Variants in TRIM54 observed in about 807,000 individuals in gnomAD.
TRIM54 encodes tripartite motif containing 54.
A neutral mutation model predicts 42.0 loss-of-function variants in TRIM54; 40 were observed. That is an observed-to-expected ratio of 0.95 (90% CI 0.74 to 1.24). The LOEUF is 1.24. Among genes scored for constraint, TRIM54 ranks in the 50% most tolerant of loss-of-function variants. The pLI is 0.00. For missense variants in TRIM54, 485 were observed against 480.3 expected, an observed-to-expected ratio of 1.01 and a Z score of -0.09; for synonymous variants, 199 against 194.9, an observed-to-expected ratio of 1.02 and a Z score of -0.17.
At position 27,307,323 on chromosome 2, in the gene TRIM54, C is replaced by CCCG; in HGVS notation, c.*439_*440insCGC. The CCCG allele has an allele frequency of 1.1e-6, 1 of 895,384 alleles. No homozygotes were observed. Among genetic ancestry groups the CCCG allele is most frequent in the Non-Finnish European group, 1.6e-6 (1 of 611,252 alleles). The allele number at this position is 895,384 out of a possible 1,614,324, so 55.5% of individuals were successfully genotyped here. ...CCCCCCACAGCATTTTGTTCCCCTC[C>CCCG]CGCTGGCCCGGGGGCCCCACCTTCC... On this transcript the variant is annotated 3_prime_UTR_variant, in exon 9 of 9. Transcript: ENST00000380075. The surrounding 1 kb of genome is among the most constrained non-coding windows in gnomAD (Gnocchi z 6.9).
In TRIM54 at chr2:27,306,069, C is replaced by G; in HGVS notation, c.844-11C>G. On this transcript the variant is annotated splice_polypyrimidine_tract_variant and intron_variant, in intron 5 of 8. Coordinates refer to ENST00000380075, the MANE Select transcript of TRIM54 (RefSeq NM_187841.3). The surrounding 1 kb of genome is among the most constrained non-coding windows in gnomAD (Gnocchi z 6.1). ...CAGTGCTTACTCTCACCCTCCTTTT[C>G]TTCCCTGCAGCAGGCCAAGGAGCTG... is the stretch of plus-strand genomic sequence containing the variant. The G allele has an allele frequency of 6.2e-7, 1 of 1,613,778 alleles. No homozygotes were observed. The highest frequency in any genetic ancestry group is 8.5e-7 in the Non-Finnish European group (1 of 1,180,030).
intron 3 of TRIM54, among the ~76,000 whole-genome samples, chr2:27,303,865 C>G (rs1007570902): frequency 2.0e-5 from 3 of 151,926 alleles, no homozygotes; most frequent in Non-Finnish European, 4.4e-5. Context: ...AAATCAAATG[C>G]TTTTTAAAAA....
At chr2:27,285,267 G>A (rs139685705) in intron 1 of TRIM54, among the ~76,000 whole-genome samples, 2 of 152,104 alleles carry the variant, frequency 1.3e-5, no homozygotes, top group Non-Finnish European at 2.9e-5. Context: ...TAGTTTTTTC[G>A]CACATTGCCT....
intron 1 of TRIM54, among the ~76,000 whole-genome samples, chr2:27,298,158 A>G (rs938941981): frequency 6.6e-6 from 1 of 152,046 alleles, no homozygotes; most frequent in African/African-American, 2.4e-5. Flanking sequence ...ACTGCAGAGA[A>G]TCTCCTCCAG....
intron 3 of TRIM54, among the ~76,000 whole-genome samples, chr2:27,303,381 C>T (rs1182887680): frequency 6.6e-6 from 1 of 152,044 alleles, no homozygotes; most frequent in Admixed American, 6.6e-5. Flanking sequence ...GAAATCCCGT[C>T]TCTACTAAAG....
rs1477811382 is a variant in TRIM54, at chr2:27,304,085, G to A, written c.514-874G>A. Among the ~76,000 whole-genome samples, 9 of 151,748 alleles carry A rather than the reference G, an allele frequency of 5.9e-5. No homozygotes were observed. The East Asian group carries it at 1.4e-3, about 23-fold the overall frequency. ...AAATTAGCCGGACGTGGTGTCATGC[G>A]CCTGTAGTCCCAGCTACCTGGGAGG... On this transcript the variant is annotated intron_variant, in intron 3 of 8. Coordinates refer to ENST00000380075, the MANE Select transcript of TRIM54 (RefSeq NM_187841.3).
chr2:27,296,199 C>T lies in TRIM54; in HGVS notation c.169-2368C>T, dbSNP rs1395734680. Among the ~76,000 whole-genome samples, 3 of 152,354 alleles carry T rather than the reference C, an allele frequency of 2.0e-5. No homozygotes were observed. The East Asian group carries it at 5.8e-4, about 29-fold the overall frequency. On this transcript the variant is annotated intron_variant, in intron 1 of 8. Coordinates refer to ENST00000380075, the MANE Select transcript of TRIM54 (RefSeq NM_187841.3). ...ACAAGACCCTTGACTTGGCTGCACT[C>T]TGTGCATGATGGGGTGTTGCTGCAC...
At chr2:27,285,619 T>G (rs950406334) in intron 1 of TRIM54, among the ~76,000 whole-genome samples, 4 of 152,210 alleles carry the variant, frequency 2.6e-5, no homozygotes, top group Admixed American at 2.6e-4. Flanking sequence ...AATCGGCACA[T>G]TTGCATGTAT....
At position 27,305,739 on chromosome 2, in the gene TRIM54, C is replaced by A; in HGVS notation, c.765C>A (p.Asp255Glu). Residue 255 changes from aspartate (D) to glutamate (E), a missense_variant, in exon 5 of 9, where the codon GAC (aspartate) becomes GAA (glutamate). Asp to Glu is a conservative substitution (Grantham distance 45). Coordinates refer to ENST00000380075, the MANE Select transcript of TRIM54 (RefSeq NM_187841.3). ...RVRGLIRQYGDHLEASSKLVE... is the reference protein window; with the variant it reads ...RVRGLIRQYGEHLEASSKLVE... ...GCGGCCTCATCCGTCAGTATGGCGA[C>A]CACCTGGAGGCCTCCTCTAAGCTGG... 3.1e-6 allele frequency: 5 copies of A among 1,611,952 alleles called. No individual in the cohort carries two copies. Among genetic ancestry groups the A allele is most frequent in the Non-Finnish European group, 4.2e-6 (5 of 1,179,084 alleles).
At chr2:27,294,751 A>T (rs1227907477) in intron 1 of TRIM54, among the ~76,000 whole-genome samples, 1 of 151,638 alleles carries the variant, frequency 6.6e-6, no homozygotes, top group Non-Finnish European at 1.5e-5. Context: ...TTAGCCGGAC[A>T]TAGTGGCAGG....
chr2:27,298,446 A>G, intron 1 of TRIM54, 121 bp from the exon 2 acceptor site: 1 of 711,720 alleles, frequency 1.4e-6, no homozygotes. Flanking sequence ...CACAGAGAAG[A>G]GCTGACATCT....
intron 1 of TRIM54, among the ~76,000 whole-genome samples, chr2:27,284,844 C>T (rs1403111980): frequency 6.6e-6 from 1 of 152,128 alleles, no homozygotes; most frequent in Non-Finnish European, 1.5e-5. Context: ...TCCTGGGTCC[C>T]TCTGTCATCT....
chr2:27,282,597 G>A lies in TRIM54; in HGVS notation c.-135G>A. The A allele has an allele frequency of 1.0e-6, 1 of 956,534 alleles. No individual in the cohort carries two copies. Among genetic ancestry groups the A allele is most frequent in the Non-Finnish European group, 1.5e-6 (1 of 653,966 alleles). 59.3% of individuals were successfully genotyped at this position (956,534 alleles called of 1,614,324 possible). A position where few individuals can be genotyped will look rare whatever the true frequency, so the allele number is the denominator to read the frequency against. The stretch of plus-strand genomic sequence containing the variant: ...CTGGGACGAGACAAGTTGTTAAAGG[G>A]ACAGGAGAGAAAGCAGAGCTATTTC... On this transcript the variant is annotated 5_prime_UTR_variant, in exon 1 of 9. Transcript: ENST00000380075.
At chr2:27,295,431 C>T (rs981046861) in intron 1 of TRIM54, among the ~76,000 whole-genome samples, 3 of 152,112 alleles carry the variant, frequency 2.0e-5, no homozygotes, top group African/African-American at 7.2e-5. Context: ...CTCAGCCTCC[C>T]AAAGTATCTG....
At chr2:27,288,627 G>A (rs1678640183) in intron 1 of TRIM54, among the ~76,000 whole-genome samples, 1 of 152,180 alleles carries the variant, frequency 6.6e-6, no homozygotes, top group South Asian at 2.1e-4. Context: ...GATTAGGATT[G>A]TTAACAGTCC....
rs1170546273 is a variant in TRIM54, at chr2:27,306,814, C to T, written c.*2-73C>T. On this transcript the variant is annotated intron_variant, in intron 8 of 8. Transcript: ENST00000380075. The surrounding 1 kb of genome is among the most constrained non-coding windows in gnomAD (Gnocchi z 6.1). ...GAGGAGAAACCCACGTGGCGGGGGA[C>T]GGAGTGAGCGGGGCTCGAGCTGCCT... 1 of 523,440 alleles carries T rather than the reference C, an allele frequency of 1.9e-6. No homozygotes were observed. Among genetic ancestry groups the T allele is most frequent in the Non-Finnish European group, 3.4e-6 (1 of 296,392 alleles). The allele number at this position is 523,440 out of a possible 1,614,324, so 32.4% of individuals were successfully genotyped here.
At chr2:27,286,165 A>C (rs966426574) in intron 1 of TRIM54, among the ~76,000 whole-genome samples, 2 of 144,158 alleles carry the variant, frequency 1.4e-5, no homozygotes, top group Admixed American at 1.4e-4. Context: ...TTTGCATATT[A>C]TTTTTTTTTT....
intron 1 of TRIM54, among the ~76,000 whole-genome samples, chr2:27,286,921 T>A (rs1204017704): frequency 1.3e-5 from 2 of 152,192 alleles, no homozygotes; most frequent in Non-Finnish European, 2.9e-5. Context: ...TTCTACCCAT[T>A]CTGAAGGCAC....
intron 3 of TRIM54, chr2:27,299,766 T>C (rs1252182300): frequency 2.4e-5 from 14 of 590,384 alleles, no homozygotes; most frequent in Non-Finnish European, 3.9e-5. Context: ...AGTGCAGTGG[T>C]GCAGTCTTGG....
Sources: allele counts gnomAD v4.1 joint callset (sites outside exome capture counted in the v4.1 genomes callset), GRCh38; gene constraint gnomAD v4.1.1; non-coding constraint Gnocchi (gnomAD v3.1); transcripts MANE v1.5; gene names NCBI Gene and HGNC (gene_info 2026-07-23, HGNC 2026-07-21).